IQSEC1: variants seen among roughly 807,000 people sequenced by gnomAD.
The protein encoded by IQSEC1 is IQ motif and SEC7 domain-containing protein 1.
A neutral mutation model predicts 91.0 loss-of-function variants in IQSEC1; 31 were observed. The ratio of observed to expected loss-of-function variants is 0.34; its 90% CI spans 0.26 to 0.46. The LOEUF (loss-of-function observed/expected upper bound fraction) is 0.46. IQSEC1 is among the 20% of genes least tolerant of loss of function. The pLI is 1.00. For synonymous variants in IQSEC1, 699 were observed against 662.6 expected (o/e 1.05, Z -0.84); for missense variants, 1,388 against 1,575.6 (o/e 0.88, Z 2.02).
intron 1 of IQSEC1, among the ~76,000 whole-genome samples, chr3:12,944,320 A>T (rs561934424): frequency 6.6e-6 from 1 of 152,340 alleles, no homozygotes; most frequent in African/African-American, 2.4e-5. Flanking sequence ...TAAAGCTTTG[A>T]GCAGGGACTC....
intron 12 of IQSEC1, among the ~76,000 whole-genome samples, chr3:12,905,323 G>C (rs1694852913): frequency 6.6e-6 from 1 of 152,276 alleles, no homozygotes; most frequent in African/African-American, 2.4e-5. Flanking sequence ...TAACGTGGCA[G>C]TGCTCTCCTG....
intron 1 of IQSEC1, among the ~76,000 whole-genome samples, chr3:13,205,166 G>A (rs747587817): frequency 7.9e-5 from 12 of 152,014 alleles, no homozygotes; most frequent in Admixed American, 1.3e-4. Flanking sequence ...CTGCTACAGC[G>A]AACTGCCCAG....
rs1392168823 is a variant in IQSEC1, at chr3:12,970,790, C to T, written c.24-28925G>A. 6.6e-6 allele frequency among the ~76,000 whole-genome samples: 1 copy of T among 152,210 alleles called. No homozygotes were observed. Among genetic ancestry groups the T allele is most frequent in the Non-Finnish European group, 1.5e-5 (1 of 68,042 alleles). ...CCCATGACCAGCGCCTAGTCCAAGTCAGAAACTCCTTTTACATGGCATCAG... is the reference window on the plus strand; with the variant it reads ...CCCATGACCAGCGCCTAGTCCAAGTTAGAAACTCCTTTTACATGGCATCAG... On this transcript the variant is annotated intron_variant, in intron 1 of 13. Transcript: ENST00000613206. This position sits in a 1 kb window ranked among gnomAD's most constrained non-coding sequence, Gnocchi z 4.4.
At position 13,188,953 on chromosome 3, in the gene IQSEC1, C is replaced by T. The variant is rs970872710; in HGVS notation, c.273-24820G>A. ...TCCATTTTTGTTGGGATTGTTTCCA[C>T]TCACTTCAAGCCTGGGACCCACACC... On this transcript the variant is annotated intron_variant, in intron 1 of 15. Transcript: ENST00000648114. 5.3e-5 allele frequency among the ~76,000 whole-genome samples: 8 copies of T among 152,092 alleles called. No individual in the cohort carries two copies. The East Asian group carries it at 1.2e-3, about 22-fold the overall frequency.
At position 12,922,255 on chromosome 3, in the gene IQSEC1, C is replaced by G; in HGVS notation, c.1731-13G>C. ...GTCCACGACGCAGCTGGAATAGAGA[C>G]AGACAGCCCCGCATAAGCACCCCTT... On this transcript the variant is annotated splice_polypyrimidine_tract_variant and intron_variant, in intron 4 of 13. Transcript: ENST00000613206. This position sits in a 1 kb window ranked among gnomAD's most constrained non-coding sequence, Gnocchi z 5.1. 1 of 1,569,308 alleles carries G rather than the reference C, an allele frequency of 6.4e-7. No individual in the cohort carries two copies. The highest frequency in any genetic ancestry group is 8.7e-7 in the Non-Finnish European group (1 of 1,149,372).
At chr3:12,996,114 T>C (rs1019572819) in intron 1 of IQSEC1, among the ~76,000 whole-genome samples, 14 of 152,004 alleles carry the variant, frequency 9.2e-5, no homozygotes, top group African/African-American at 3.4e-4. Context: ...CGAGCTATCA[T>C]TGCACCACTG....
intron 2 of IQSEC1, among the ~76,000 whole-genome samples, chr3:13,092,838 G>T (rs148171777): frequency 6.6e-6 from 1 of 152,270 alleles, no homozygotes; most frequent in African/African-American, 2.4e-5. Flanking sequence ...CTCCAGGCAC[G>T]CTGGCCAACT....
chr3:13,038,710 A>G (rs1356832931), intron 1 of IQSEC1, among the ~76,000 whole-genome samples: 1 of 152,118 alleles, frequency 6.6e-6, no homozygotes, highest in Non-Finnish European at 1.5e-5. Flanking sequence ...GATACCCTCA[A>G]TGTCGGGGGA....
At chr3:13,136,880 T>C (rs1051442897) in intron 2 of IQSEC1, among the ~76,000 whole-genome samples, 1 of 152,184 alleles carries the variant, frequency 6.6e-6, no homozygotes, top group Non-Finnish European at 1.5e-5. Flanking sequence ...CTCATGTCTG[T>C]AATCCCAGCA....
intron 12 of IQSEC1, among the ~76,000 whole-genome samples, chr3:12,906,002 A>G (rs1203042037): frequency 6.6e-6 from 1 of 152,168 alleles, no homozygotes; most frequent in Non-Finnish European, 1.5e-5. Context: ...AATGCACTGC[A>G]GTGGGGCCGG....
intron 1 of IQSEC1, among the ~76,000 whole-genome samples, chr3:13,235,969 G>A (rs1694921676): frequency 6.6e-6 from 1 of 152,166 alleles, no homozygotes; most frequent in Admixed American, 6.5e-5. Context: ...CTTGTAGTGT[G>A]GGACCCTCAG....
chr3:13,243,513 T>C (rs887114722), intron 1 of IQSEC1, among the ~76,000 whole-genome samples: 15 of 152,204 alleles, frequency 9.9e-5, no homozygotes, highest in African/African-American at 3.1e-4. Flanking sequence ...CTCCAGATGC[T>C]ACAAGGAGGT....
intron 1 of IQSEC1, among the ~76,000 whole-genome samples, chr3:13,264,815 A>C (rs1261300125): frequency 6.8e-6 from 1 of 146,564 alleles, no homozygotes; most frequent in African/African-American, 2.5e-5. Flanking sequence ...CTCTCACTCT[A>C]TCCCTCTGGT....
rs1338253414 is a variant in IQSEC1 at position 13,103,831 on chromosome 3, G to A, written c.303-56309C>T. On this transcript the variant is annotated intron_variant, in intron 2 of 15. Coordinates refer to the IQSEC1 transcript ENST00000648114. This position sits in a 1 kb window ranked among gnomAD's most constrained non-coding sequence, Gnocchi z 4.1. ...CCTCCATCACTGCTCTCTCCCCAGC[G>A]TGCGGCACATAGTAGGTGCTCAGTA... is the stretch of plus-strand genomic sequence containing the variant. Among the ~76,000 whole-genome samples the A allele has an allele frequency of 2.0e-5, 3 of 152,206 alleles. No homozygotes were observed. The highest frequency in any genetic ancestry group is 1.9e-4 in the East Asian group (1 of 5,206).
In IQSEC1 at chr3:12,911,642, G is replaced by T. The variant is rs1695568506; in HGVS notation, c.2403C>A (p.Leu801=). ...GGGCAGACTTACACTGGTTCTCGAA[G>T]AGCAGGACCTGCATGCCGTACAAGG... ...SFSLYGMQVL[L]FENQYYPNGI... is the part of the protein sequence containing the mutation. The change falls in exon 10 of 14, where the codon CTC becomes CTA. Residue 801 remains leucine, a synonymous_variant. Transcript: ENST00000613206. 1.2e-6 allele frequency: 2 copies of T among 1,613,224 alleles called. No individual in the cohort carries two copies. The highest frequency in any genetic ancestry group is 1.3e-5 in the African/African-American group (1 of 75,052).
At chr3:12,954,678 G>A (rs1298586715) in intron 1 of IQSEC1, among the ~76,000 whole-genome samples, 3 of 152,194 alleles carry the variant, frequency 2.0e-5, no homozygotes, top group Non-Finnish European at 4.4e-5. Flanking sequence ...GCTCGGGAAG[G>A]GCAGTGTCTG....
chr3:13,000,390 A>G (rs1702371323), intron 1 of IQSEC1, among the ~76,000 whole-genome samples: 1 of 152,134 alleles, frequency 6.6e-6, no homozygotes, highest in African/African-American at 2.4e-5. Context: ...CCTCCTCTAG[A>G]CGTCATCTTC....
At chr3:13,080,133 T>C (rs1705626149) in intron 2 of IQSEC1, among the ~76,000 whole-genome samples, 1 of 152,194 alleles carries the variant, frequency 6.6e-6, no homozygotes. Flanking sequence ...GTAATGGCAT[T>C]CCAGGAGGTT....
At position 12,902,825 on chromosome 3, in the gene IQSEC1, G is replaced by T; in HGVS notation, c.2756-3C>A. The T allele has an allele frequency of 6.2e-7, 1 of 1,611,882 alleles. No individual in the cohort carries two copies. Among genetic ancestry groups the T allele is most frequent in the Non-Finnish European group, 8.5e-7 (1 of 1,178,082 alleles). ...ACTGCTGCGACGCCCTCGCTTCCCT[G>T]CCCAGAACATGCAATACCAGAAGTT... is the stretch of plus-strand genomic sequence containing the variant. On this transcript the variant is annotated splice_region_variant and splice_polypyrimidine_tract_variant and intron_variant, in intron 12 of 13. Transcript: ENST00000613206.
Sources: gnomAD v4.1 joint callset for allele counts (sites outside exome capture counted in the v4.1 genomes callset) on GRCh38, gnomAD v4.1.1 for gene constraint, Gnocchi (gnomAD v3.1) non-coding constraint, MANE v1.5 for transcripts, NCBI Gene and HGNC (gene_info 2026-07-23, HGNC 2026-07-21) for gene names.